Variants in CADPS2 observed in about 807,000 individuals in gnomAD.
The protein encoded by CADPS2 is calcium-dependent secretion activator 2.
Under a neutral mutation model 172.5 loss-of-function variants are expected in CADPS2, and 93 were observed. That is an observed-to-expected ratio of 0.54 (90% CI 0.46 to 0.64). The LOEUF (loss-of-function observed/expected upper bound fraction) is 0.64, where lower values mean the gene tolerates loss of function less well. CADPS2 is among the 30% of genes least tolerant of loss of function. The pLI, the probability that CADPS2 is intolerant of heterozygous loss-of-function variation, is 0.00. For missense variants in CADPS2, 1,420 were observed against 1,565.9 expected (o/e 0.91, Z 1.57); for synonymous variants, 546 against 555.2 (o/e 0.98, Z 0.23).
intron 1 of CADPS2, among the ~76,000 whole-genome samples, chr7:122,767,493 G>A (rs2093589125): frequency 6.6e-6 from 1 of 152,012 alleles, no homozygotes; most frequent in African/African-American, 2.4e-5. Flanking sequence ...GGAATGTTAA[G>A]CTTCTCGGTT....
chr7:122,810,539 T>C (rs1393620394), intron 1 of CADPS2, among the ~76,000 whole-genome samples: 1 of 152,210 alleles, frequency 6.6e-6, no homozygotes, highest in Non-Finnish European at 1.5e-5. Context: ...AGTCCTTAAG[T>C]CCTATTTAAA....
At chr7:122,780,178 A>G (rs1792314708) in intron 1 of CADPS2, among the ~76,000 whole-genome samples, 1 of 152,158 alleles carries the variant, frequency 6.6e-6, no homozygotes, top group African/African-American at 2.4e-5. Flanking sequence ...ATAAAAATAT[A>G]AATATAATCA....
chr7:122,605,184 C>T (rs4301386), intron 6 of CADPS2, among the ~76,000 whole-genome samples: 17,154 of 151,924 alleles, frequency 0.11, 1,260 homozygotes, highest in African/African-American at 0.2. Context: ...AATTGCAGGA[C>T]GGGAAGTTGC....
intron 11 of CADPS2, 48 bp downstream of exon 11, chr7:122,490,033 T>G: frequency 6.6e-7 from 1 of 1,507,772 alleles, no homozygotes; most frequent in Non-Finnish European, 9.2e-7. Flanking sequence ...TTTTATATCT[T>G]ATTAAGGCTA....
intron 3 of CADPS2, among the ~76,000 whole-genome samples, chr7:122,646,689 A>G (rs1037429760): frequency 1.3e-5 from 2 of 152,186 alleles, no homozygotes; most frequent in African/African-American, 4.8e-5. Context: ...GAACACCACA[A>G]CTGCTGAAAG....
At chr7:122,511,515 G>A (rs552951366) in intron 9 of CADPS2, among the ~76,000 whole-genome samples, 17 of 152,166 alleles carry the variant, frequency 1.1e-4, no homozygotes, top group Admixed American at 9.2e-4. Flanking sequence ...AGCGACTAAT[G>A]CAAATAACAT....
chr7:122,364,444 T>C (rs1585287964), intron 25 of CADPS2, among the ~76,000 whole-genome samples: 1 of 139,804 alleles, frequency 7.2e-6, no homozygotes, highest in Non-Finnish European at 1.5e-5. Context: ...AAAAAGAACT[T>C]GGCCAGGTGC....
chr7:122,319,291 A>C lies in CADPS2; in HGVS notation c.*874T>G, dbSNP rs2031887404. ...AAATATTACAAACAAAACAAACAAA[A>C]AACTCAAGAAACAAAAACACAGAGT... On this transcript the variant is annotated 3_prime_UTR_variant, in exon 30 of 30. Coordinates refer to ENST00000449022, the MANE Select transcript of CADPS2 (RefSeq NM_017954.11). 1 of 152,186 alleles carries C rather than the reference A, an allele frequency of 6.6e-6. No individual in the cohort carries two copies. The highest frequency in any genetic ancestry group is 2.1e-4 in the South Asian group (1 of 4,838). The allele number at this position is 152,186 out of a possible 1,614,324, so 9.4% of individuals were successfully genotyped here.
At chr7:122,564,409 A>G (rs1349653342) in intron 7 of CADPS2, among the ~76,000 whole-genome samples, 4 of 152,108 alleles carry the variant, frequency 2.6e-5, no homozygotes, top group Admixed American at 2.6e-4. Flanking sequence ...CCTAGGTTCA[A>G]GCAATTCTCC....
At chr7:122,813,433 C>G (rs1298079332) in intron 1 of CADPS2, among the ~76,000 whole-genome samples, 1 of 152,072 alleles carries the variant, frequency 6.6e-6, no homozygotes, top group Non-Finnish European at 1.5e-5. Flanking sequence ...TAAAACGTTA[C>G]TGTGAAATTA....
At chr7:122,333,407 C>T (rs142623225) in intron 28 of CADPS2, among the ~76,000 whole-genome samples, 108 of 152,246 alleles carry the variant, frequency 7.1e-4, no homozygotes, top group African/African-American at 2.4e-3. Context: ...GTCCTAAGGA[C>T]GGGAGTAGAC....
At chr7:122,379,212 C>CT (rs1021668633) in intron 25 of CADPS2, 156 bp downstream of exon 25, 2 of 507,664 alleles carry the variant, frequency 3.9e-6, no homozygotes, top group Non-Finnish European at 3.5e-6. Context: ...TGTTCCTAAC[C>CT]TTTTTTTGCT....
At position 122,476,980 on chromosome 7, in the gene CADPS2, G is replaced by T. The variant is rs967707894; in HGVS notation, c.1862-2463C>A. Among the ~76,000 whole-genome samples, 3 of 132,038 alleles carry T rather than the reference G, an allele frequency of 2.3e-5. 1 individual carries two copies. The highest frequency in any genetic ancestry group is 3.2e-5 in the Non-Finnish European group (2 of 62,248). The allele number at this position is 132,038 out of a possible 152,430, so 86.6% of individuals were successfully genotyped here. The stretch of plus-strand genomic sequence containing the variant: ...CTGAATGAAATGGGGTGGCGGGAAG[G>T]GGGGCGGGAGGGGAGGGGAGAGGAG... On this transcript the variant is annotated intron_variant, in intron 12 of 29. Coordinates refer to ENST00000449022, the MANE Select transcript of CADPS2 (RefSeq NM_017954.11).
chr7:122,568,864 C>T (rs896277158), intron 7 of CADPS2, among the ~76,000 whole-genome samples: 3 of 151,972 alleles, frequency 2.0e-5, no homozygotes, highest in East Asian at 3.9e-4. Flanking sequence ...AATTTTTGTT[C>T]TTTGAAATAT....
chr7:122,372,121 G>C (rs1293508352), intron 25 of CADPS2, among the ~76,000 whole-genome samples: 2 of 152,144 alleles, frequency 1.3e-5, no homozygotes, highest in Admixed American at 1.3e-4. Context: ...TTATAGGAGA[G>C]GAAAACTGAG....
rs1282655110 is a variant in CADPS2, at chr7:122,842,389, C to T, written c.339+43610G>A. 2.6e-5 allele frequency among the ~76,000 whole-genome samples: 4 copies of T among 152,268 alleles called. No individual in the cohort carries two copies. In the East Asian group the frequency reaches 7.7e-4, roughly 29 times the overall value. On this transcript the variant is annotated intron_variant, in intron 1 of 29. Coordinates refer to ENST00000449022, the MANE Select transcript of CADPS2 (RefSeq NM_017954.11). The stretch of plus-strand genomic sequence containing the variant: ...TCCATCCTCATGAACGCTTTCTGCC[C>T]AATTTCTGGTTTGCAGCTGTGTTCT...
chr7:122,605,944 T>C (rs1437713953), intron 6 of CADPS2, among the ~76,000 whole-genome samples: 1 of 152,144 alleles, frequency 6.6e-6, no homozygotes, highest in Non-Finnish European at 1.5e-5. Flanking sequence ...AGCATTATTA[T>C]AGCAATGTCC....
intron 11 of CADPS2, among the ~76,000 whole-genome samples, chr7:122,484,406 G>A (rs113798191): frequency 3.7e-4 from 56 of 152,004 alleles, no homozygotes; most frequent in African/African-American, 1.3e-3. Flanking sequence ...TTCAGGGTAC[G>A]ATAATCTCTT....
At chr7:122,609,194 T>G (rs895165915) in intron 6 of CADPS2, among the ~76,000 whole-genome samples, 1 of 152,126 alleles carries the variant, frequency 6.6e-6, no homozygotes, top group Non-Finnish European at 1.5e-5. Flanking sequence ...TACTTAACAC[T>G]TGGAGGGAAT....
Sources: gnomAD v4.1 joint callset for allele counts (sites outside exome capture counted in the v4.1 genomes callset) on GRCh38, gnomAD v4.1.1 for gene constraint, MANE v1.5 for transcripts, NCBI Gene and HGNC (gene_info 2026-07-23, HGNC 2026-07-21) for gene names.